The following ZFR2 variants were observed in gnomAD, a reference collection of about 807,000 sequenced individuals.
ZFR2 encodes the protein zinc finger RNA binding protein 2, also known as zinc finger RNA-binding protein 2.
ZFR2 carries 104 observed loss-of-function variants against 105.7 expected under a neutral mutation model. The ratio of observed to expected loss-of-function variants is 0.98; its 90% CI spans 0.84 to 1.16. The LOEUF is 1.16. Among genes scored for constraint, ZFR2 ranks in the 50% most tolerant of loss-of-function variants. ZFR2 has a pLI of 0.00. For missense variants in ZFR2, 1,425 were observed against 1,355.5 expected, an observed-to-expected ratio of 1.05 and a Z score of -0.80; for synonymous variants, 634 against 597.7, an observed-to-expected ratio of 1.06 and a Z score of -0.89.
chr19:3,812,588 C>G (rs976750412), intron 14 of ZFR2, among the ~76,000 whole-genome samples: 2 of 152,056 alleles, frequency 1.3e-5, no homozygotes, highest in Non-Finnish European at 2.9e-5. Context: ...GCCGCCAACC[C>G]TTAACCCGCC....
chr19:3,860,197 ATTTTT>A lies in ZFR2; in HGVS notation c.53+8763_53+8767del, dbSNP rs113571842. Among the ~76,000 whole-genome samples the A allele has an allele frequency of 3.6e-3, 483 of 134,958 alleles. 3 individuals are homozygous for A. Among genetic ancestry groups the A allele is most frequent in the African/African-American group, 0.013 (471 of 35,812 alleles). 88.5% of individuals were successfully genotyped at this position (134,958 alleles called of 152,430 possible). A position where few individuals can be genotyped will look rare whatever the true frequency, so the allele number is the denominator to read the frequency against. ...AGGTGTGCACCACCATGCCTGGCTA[ATTTTT>A]TTTTTTTTTTTTTTCAGAGATGGGG... On this transcript the variant is annotated intron_variant, in intron 1 of 18. Transcript: ENST00000262961.
chr19:3,816,890 C>T lies in ZFR2; in HGVS notation c.1932-45G>A, dbSNP rs150403280. On this transcript the variant is annotated intron_variant, in intron 12 of 18. Transcript: ENST00000262961. The stretch of plus-strand genomic sequence containing the variant: ...GACGTGCGCCATCAGCGGAGAGACG[C>T]GGGGTACCCCAGCTGCCTCCCTCCT... 2.5e-3 allele frequency: 3,749 copies of T among 1,504,944 alleles called. 4 individuals carry two copies. Among genetic ancestry groups the T allele is most frequent in the Middle Eastern group, 4.4e-3 (25 of 5,638 alleles). 93.2% of individuals were successfully genotyped at this position (1,504,944 alleles called of 1,614,324 possible).
intron 13 of ZFR2, among the ~76,000 whole-genome samples, chr19:3,815,659 C>G (rs2037817188): frequency 6.6e-6 from 1 of 151,950 alleles, no homozygotes; most frequent in African/African-American, 2.4e-5. Context: ...TCACAGCTCA[C>G]TGAAGCCTCG....
intron 1 of ZFR2, among the ~76,000 whole-genome samples, chr19:3,862,179 G>A (rs956345741): frequency 1.3e-5 from 2 of 152,100 alleles, no homozygotes; most frequent in African/African-American, 2.4e-5. Context: ...CACGTTGGTA[G>A]ACCCACACAA....
intron 16 of ZFR2, among the ~76,000 whole-genome samples, chr19:3,810,034 T>C (rs929452794): frequency 6.6e-6 from 1 of 152,210 alleles, no homozygotes; most frequent in African/African-American, 2.4e-5. Flanking sequence ...TGTACCATGC[T>C]GCATTCTGGA....
Position 3,839,974 on chromosome 19 carries a change from C to T in ZFR2, c.54-4991G>A, listed in dbSNP as rs143967718. 1.7e-3 allele frequency among the ~76,000 whole-genome samples: 264 copies of T among 152,204 alleles called. 1 individual carries two copies. Among genetic ancestry groups the T allele is most frequent in the African/African-American group, 5.7e-3 (237 of 41,526 alleles). ...GCTCCGTATGAATCTGTATACAACA[C>T]GGTGTTGTGTTTTTCAGTTACATGT... On this transcript the variant is annotated intron_variant, in intron 1 of 18. Transcript: ENST00000262961.
chr19:3,810,555 G>A (rs1196920441), intron 16 of ZFR2, among the ~76,000 whole-genome samples, 195 bp downstream of exon 16: 1 of 152,266 alleles, frequency 6.6e-6, no homozygotes, highest in Non-Finnish European at 1.5e-5. Context: ...TTGAATAGTG[G>A]CAGTCAAATG....
At position 3,810,850 on chromosome 19, in the gene ZFR2, G is replaced by A. The variant is rs367762654; in HGVS notation, c.2338-5C>T. ...CTGCAGGCCGCTGGCTCGAGCCTTC[G>A]GGGGAGAAGCACACGGTTAGCTTTC... is the stretch of plus-strand genomic sequence containing the variant. On this transcript the variant is annotated splice_polypyrimidine_tract_variant and splice_region_variant and intron_variant, in intron 15 of 18. Coordinates refer to ENST00000262961, the MANE Select transcript of ZFR2 (RefSeq NM_015174.2). 4.4e-5 allele frequency: 68 copies of A among 1,550,058 alleles called. 1 individual carries two copies. Among genetic ancestry groups the A allele is most frequent in the African/African-American group, 2.3e-4 (17 of 73,170 alleles).
Position 3,837,833 on chromosome 19 carries a change from C to T in ZFR2, c.54-2850G>A, listed in dbSNP as rs148631254. On this transcript the variant is annotated intron_variant, in intron 1 of 18. Transcript: ENST00000262961. ...ATGACTATGGACACTCGATGAACAC[C>T]ATGACTGTGACACTCAATGAACACC... Among the ~76,000 whole-genome samples, 465 of 152,166 alleles carry T rather than the reference C, an allele frequency of 3.1e-3. 2 individuals are homozygous for T. Among genetic ancestry groups the T allele is most frequent in the African/African-American group, 0.011 (453 of 41,504 alleles).
chr19:3,833,435 G>T (rs1024278315), intron 3 of ZFR2: 84 of 395,840 alleles, frequency 2.1e-4, no homozygotes, highest in African/African-American at 1.3e-3. Flanking sequence ...AATTAGCCGG[G>T]CGTGGTTGCA....
At position 3,821,604 on chromosome 19, in the gene ZFR2, C is replaced by CTT. The variant is rs56275505; in HGVS notation, c.1492-127_1492-126dup. 1,389 of 247,522 alleles carry CTT rather than the reference C, an allele frequency of 5.6e-3. 21 individuals carry two copies. The highest frequency in any genetic ancestry group is 0.014 in the South Asian group (96 of 6,702). The allele number at this position is 247,522 out of a possible 1,614,324, so 15.3% of individuals were successfully genotyped here. On this transcript the variant is annotated intron_variant, in intron 9 of 18. Coordinates refer to ENST00000262961, the MANE Select transcript of ZFR2 (RefSeq NM_015174.2). ...GTTGGGCTGAAAAATCTCCCAAAGC[C>CTT]TTTTTTTTTTTTTTTTTTTTTTTTT...
chr19:3,806,055 T>C lies in ZFR2; in HGVS notation c.2714A>G (p.His905Arg). 1.3e-6 allele frequency: 2 copies of C among 1,535,406 alleles called. No homozygotes were observed. Among genetic ancestry groups the C allele is most frequent in the Non-Finnish European group, 1.8e-6 (2 of 1,141,808 alleles). ...VLGMDLLPPR[H>R]RLGARFRKRQ... ...CTTCCGGAAGCGGGCCCCCAGCCGG[T>C]GTCTGGGCGGCAGGAGATCCATGCC... The change falls in exon 19 of 19, where the codon CAC (histidine) becomes CGC (arginine). Residue 905 changes from histidine to arginine, a missense_variant. Physicochemically the swap from His to Arg is conservative, Grantham distance 29 (BLOSUM62 0). Coordinates refer to ENST00000262961, the MANE Select transcript of ZFR2 (RefSeq NM_015174.2).
intron 16 of ZFR2, among the ~76,000 whole-genome samples, chr19:3,809,984 T>A (rs776817530): frequency 3.9e-5 from 6 of 152,000 alleles, no homozygotes; most frequent in Non-Finnish European, 8.8e-5. Flanking sequence ...AGAGACTTAA[T>A]CTCTACCAAA....
Position 3,819,191 on chromosome 19 carries a change from G to A in ZFR2, c.1785C>T (p.Cys595=), listed in dbSNP as rs762796453. ...PASSDDRHVM[C]KHATIYPTEQ... ...CCGTGGGGTAGATGGTGGCGTGCTTGCACATGACGTGCCGGTCGTCGCTGG... is the reference window on the plus strand; with the variant it reads ...CCGTGGGGTAGATGGTGGCGTGCTTACACATGACGTGCCGGTCGTCGCTGG... Residue 595 remains cysteine, a synonymous_variant, in exon 12 of 19, where the codon TGC becomes TGT. Transcript: ENST00000262961. 24 of 1,587,490 alleles carry A rather than the reference G, an allele frequency of 1.5e-5. No homozygotes were observed. Among genetic ancestry groups the A allele is most frequent in the Non-Finnish European group, 2.0e-5 (24 of 1,172,084 alleles).
intron 14 of ZFR2, 71 bp from the exon 15 acceptor site, chr19:3,811,437 G>T (rs2037763723): frequency 2.1e-6 from 3 of 1,441,486 alleles, no homozygotes; most frequent in African/African-American, 2.9e-5. Flanking sequence ...CGGGGTGAGG[G>T]GCTCAGTTTG....
chr19:3,820,381 G>T, intron 10 of ZFR2, 91 bp from the exon 11 acceptor site: 1 of 1,248,168 alleles, frequency 8.0e-7, no homozygotes, highest in Non-Finnish European at 1.1e-6. Flanking sequence ...TATGCTCCCA[G>T]CAAGGAAGGA....
At chr19:3,831,639 G>A (rs766992724) in intron 4 of ZFR2, 21 bp downstream of exon 4, 4 of 1,524,858 alleles carry the variant, frequency 2.6e-6, no homozygotes, top group South Asian at 2.5e-5. Flanking sequence ...AGACCACCTG[G>A]GCAAGGAACG....
intron 1 of ZFR2, among the ~76,000 whole-genome samples, chr19:3,844,305 T>C (rs530343409): frequency 6.6e-6 from 1 of 152,214 alleles, no homozygotes; most frequent in Admixed American, 6.5e-5. Flanking sequence ...TTAATAGAAA[T>C]TTCTGAATAT....
Position 3,833,674 on chromosome 19 carries a change from G to A in ZFR2, c.369C>T (p.Ser123=), listed in dbSNP as rs748042649. The change falls in exon 3 of 19, where the codon TCC becomes TCT. Residue 123 remains serine (S), a synonymous_variant. Transcript: ENST00000262961. ...CTGCAGATGGCTCACCTGGCTGGCC[G>A]GAGTCTGCGGCTGTCATGCGCCCAG... ...LQSGRMTAAD[S]GQPGTQEACG... The A allele has an allele frequency of 6.3e-5, 99 of 1,560,660 alleles. No homozygotes were observed. Among genetic ancestry groups the A allele is most frequent in the South Asian group, 8.2e-5 (7 of 85,008 alleles).
Sources: allele counts gnomAD v4.1 joint callset (sites outside exome capture counted in the v4.1 genomes callset), GRCh38; gene constraint gnomAD v4.1.1; transcripts MANE v1.5; gene names NCBI Gene and HGNC (gene_info 2026-07-23, HGNC 2026-07-21).